The following GRM5 variants were observed in gnomAD, a reference collection of about 807,000 sequenced individuals.
GRM5 encodes glutamate metabotropic receptor 5.
In GRM5, 19 loss-of-function variants were observed where a neutral mutation model predicts 83.1. The ratio of observed to expected loss-of-function variants is 0.23; its 90% CI spans 0.16 to 0.34. The LOEUF (loss-of-function observed/expected upper bound fraction) is 0.34, where lower values mean the gene tolerates loss of function less well. GRM5 is among the 10% of genes least tolerant of loss of function. The probability of loss-of-function intolerance (pLI) is 1.00; values close to 1 mark genes in which losing one functional copy is unlikely to be tolerated. For missense variants in GRM5, 1,160 were observed against 1,588.3 expected, an observed-to-expected ratio of 0.73 and a Z score of 4.58; for synonymous variants, 675 against 633.6, an observed-to-expected ratio of 1.07 and a Z score of -0.98.
intron 3 of GRM5, among the ~76,000 whole-genome samples, chr11:88,685,106 A>G (rs1177932723): frequency 6.6e-6 from 1 of 152,186 alleles, no homozygotes; most frequent in Non-Finnish European, 1.5e-5. Flanking sequence ...AAAGTTTGGA[A>G]CTTCCTAGAG....
At chr11:89,045,768 A>G (rs1330836318) in intron 2 of GRM5, among the ~76,000 whole-genome samples, 1 of 152,178 alleles carries the variant, frequency 6.6e-6, no homozygotes, top group Non-Finnish European at 1.5e-5. Flanking sequence ...TGCATGATTT[A>G]TTTGATGCAA....
In GRM5 at chr11:88,896,189, G is replaced by A. The variant is rs1050160484; in HGVS notation, c.662-46034C>T. On this transcript the variant is annotated intron_variant, in intron 2 of 9. Transcript: ENST00000305447. ...CTACATCTAGTAGAGGGTAGGCCAA[G>A]GCTCAAATCTAAGTTTGCCTGTTTC... 6.6e-4 allele frequency among the ~76,000 whole-genome samples: 100 copies of A among 151,914 alleles called. 1 individual carries two copies. The highest frequency in any genetic ancestry group is 2.3e-3 in the African/African-American group (94 of 41,488).
intron 1 of GRM5, among the ~76,000 whole-genome samples, chr11:89,065,385 T>C (rs1347355557): frequency 6.7e-6 from 1 of 148,374 alleles, no homozygotes; most frequent in Non-Finnish European, 1.5e-5. Flanking sequence ...CGGATCTTTA[T>C]CTTTTCCTCC....
intron 3 of GRM5, among the ~76,000 whole-genome samples, chr11:88,711,517 G>C (rs1341092714): frequency 6.6e-6 from 1 of 152,080 alleles, no homozygotes; most frequent in Non-Finnish European, 1.5e-5. Flanking sequence ...AGCACCCATG[G>C]TTCTCATGCT....
intron 4 of GRM5, among the ~76,000 whole-genome samples, chr11:88,617,054 A>G (rs1016455984): frequency 1.3e-5 from 2 of 152,228 alleles, no homozygotes; most frequent in African/African-American, 4.8e-5. Context: ...AACAGGTCTC[A>G]TTCTCAGATT....
chr11:88,788,984 C>G (rs1309657574), intron 3 of GRM5, among the ~76,000 whole-genome samples: 1 of 152,092 alleles, frequency 6.6e-6, no homozygotes, highest in Non-Finnish European at 1.5e-5. Flanking sequence ...TCTCATTGTC[C>G]TCTTGGGGAA....
At chr11:88,731,975 C>T (rs554602253) in intron 3 of GRM5, among the ~76,000 whole-genome samples, 48 of 152,042 alleles carry the variant, frequency 3.2e-4, no homozygotes, top group Non-Finnish European at 6.2e-4. Context: ...CAAAAATGAC[C>T]ACAAAAGTAA....
chr11:88,713,299 G>A (rs532427688), intron 3 of GRM5, among the ~76,000 whole-genome samples: 1 of 152,178 alleles, frequency 6.6e-6, no homozygotes, highest in Non-Finnish European at 1.5e-5. Flanking sequence ...TGCAGATATA[G>A]AGTAAGAACT....
intron 3 of GRM5, among the ~76,000 whole-genome samples, chr11:88,816,507 C>G (rs1399707927): frequency 2.7e-5 from 4 of 146,018 alleles, no homozygotes; most frequent in East Asian, 2.0e-4. Context: ...CCACTGCACT[C>G]CAGCGTGGGC....
chr11:88,716,542 T>A (rs12786188), intron 3 of GRM5, among the ~76,000 whole-genome samples: 32,859 of 151,880 alleles, frequency 0.22, 3,727 homozygotes, highest in Middle Eastern at 0.28. Flanking sequence ...TTGTATTGAC[T>A]GCTTAATGCT....
chr11:88,665,159 ATT>A (rs1179338640), intron 3 of GRM5, among the ~76,000 whole-genome samples: 1 of 134,136 alleles, frequency 7.5e-6, no homozygotes. Flanking sequence ...AATTTAATTT[ATT>A]TACACACACA....
intron 3 of GRM5, among the ~76,000 whole-genome samples, chr11:88,686,869 C>T (rs192714567): frequency 2.6e-3 from 392 of 152,202 alleles, no homozygotes; most frequent in African/African-American, 9.1e-3. Context: ...AGCATGAAAA[C>T]GGACTAATAC....
Position 88,504,914 on chromosome 11 carries a change from T to A in GRM5, c.*3678A>T, listed in dbSNP as rs1941143215. 6.6e-6 allele frequency: 1 copy of A among 152,154 alleles called. No homozygotes were observed. Among genetic ancestry groups the A allele is most frequent in the Admixed American group, 6.5e-5 (1 of 15,272 alleles). 9.4% of individuals were successfully genotyped at this position (152,154 alleles called of 1,614,324 possible). ...TACAAGCACTTTTAGCCCACACAAA[T>A]CTTTTAGGATTGGCACCATCTTTCT... On this transcript the variant is annotated 3_prime_UTR_variant, in exon 10 of 10. Coordinates refer to ENST00000305447, the MANE Select transcript of GRM5 (RefSeq NM_001143831.3).
intron 2 of GRM5, among the ~76,000 whole-genome samples, chr11:89,014,408 G>C (rs1264310588): frequency 6.6e-6 from 1 of 152,014 alleles, no homozygotes; most frequent in African/African-American, 2.4e-5. Context: ...GCTGAGCTTG[G>C]TTTCAATGCT....
intron 2 of GRM5, among the ~76,000 whole-genome samples, chr11:88,862,513 T>C (rs546590721): frequency 7.9e-5 from 12 of 152,278 alleles, no homozygotes; most frequent in Admixed American, 1.3e-4. Context: ...TCAATAGATA[T>C]ATCCACTGCA....
intron 2 of GRM5, among the ~76,000 whole-genome samples, chr11:89,003,422 G>A (rs945096282): frequency 6.6e-6 from 1 of 152,122 alleles, no homozygotes; most frequent in African/African-American, 2.4e-5. Context: ...AGAGCAGGGT[G>A]AGGGGGGAAG....
At chr11:88,557,361 T>G (rs1942653480) in intron 8 of GRM5, among the ~76,000 whole-genome samples, 1 of 152,120 alleles carries the variant, frequency 6.6e-6, no homozygotes, top group Non-Finnish European at 1.5e-5. Context: ...TAGCACAGAT[T>G]AATTTATCTC....
At chr11:88,850,195 A>T (rs1217308637) in intron 2 of GRM5, 40 bp from the exon 3 acceptor site, 1 of 868,590 alleles carries the variant, frequency 1.2e-6, no homozygotes, top group African/African-American at 1.7e-5. Flanking sequence ...TAGTGAAATG[A>T]GAGTGTTGCA....
chr11:88,905,439 G>C (rs574124742), intron 2 of GRM5, among the ~76,000 whole-genome samples: 1 of 152,108 alleles, frequency 6.6e-6, no homozygotes. Flanking sequence ...TGCCTCCCGG[G>C]TTCAAGTGAT....
Sources: gnomAD v4.1 joint callset for allele counts (sites outside exome capture counted in the v4.1 genomes callset) on GRCh38, gnomAD v4.1.1 for gene constraint, MANE v1.5 for transcripts, NCBI Gene and HGNC (gene_info 2026-07-23, HGNC 2026-07-21) for gene names.